Variants in GABRB2 observed in about 807,000 individuals in gnomAD.
The protein encoded by GABRB2 is gamma-aminobutyric acid receptor subunit beta-2.
A neutral mutation model predicts 54.7 loss-of-function variants in GABRB2; 16 were observed. That is an observed-to-expected ratio of 0.29 (90% confidence interval 0.20 to 0.44). The LOEUF is 0.44. Among genes scored for constraint, GABRB2 ranks in the 20% least tolerant of loss-of-function variants. The pLI is 1.00. For missense variants in GABRB2, 355 were observed against 644.0 expected (o/e 0.55, Z 4.86); for synonymous variants, 244 against 233.8 (o/e 1.04, Z -0.40).
At chr5:161,517,139 A>G (rs1240125167) in intron 3 of GABRB2, among the ~76,000 whole-genome samples, 1 of 152,132 alleles carries the variant, frequency 6.6e-6, no homozygotes, top group Non-Finnish European at 1.5e-5. Context: ...TATATAGAAT[A>G]TTCATTAGGT....
intron 5 of GABRB2, among the ~76,000 whole-genome samples, chr5:161,387,409 C>A (rs1055456441): frequency 7.2e-5 from 11 of 152,150 alleles, no homozygotes; most frequent in African/African-American, 2.7e-4. Flanking sequence ...CTCTAGTCTT[C>A]TCTGCTGAGA....
chr5:161,382,858 G>A (rs940263733), intron 5 of GABRB2, among the ~76,000 whole-genome samples: 1 of 152,036 alleles, frequency 6.6e-6, no homozygotes, highest in Admixed American at 6.6e-5. Flanking sequence ...GAGCAACTCC[G>A]TGGCTACTCA....
chr5:161,433,319 G>C (rs528910556), intron 4 of GABRB2, among the ~76,000 whole-genome samples: 30 of 152,028 alleles, frequency 2.0e-4, no homozygotes, highest in Admixed American at 5.9e-4. Flanking sequence ...GAGAATTATG[G>C]CTAGGTGTGA....
At chr5:161,422,574 G>A (rs1362828044) in intron 4 of GABRB2, among the ~76,000 whole-genome samples, 1 of 152,012 alleles carries the variant, frequency 6.6e-6, no homozygotes, top group Admixed American at 6.6e-5. Flanking sequence ...ACTAAAATAG[G>A]CAGTGCAAAT....
At chr5:161,371,174 T>C (rs1291607852) in intron 5 of GABRB2, among the ~76,000 whole-genome samples, 1 of 152,154 alleles carries the variant, frequency 6.6e-6, no homozygotes, top group Non-Finnish European at 1.5e-5. Context: ...AAGGCTGTTA[T>C]TACAAGACAA....
chr5:161,447,386 A>G (rs1757666039), intron 4 of GABRB2, among the ~76,000 whole-genome samples: 1 of 152,156 alleles, frequency 6.6e-6, no homozygotes, highest in Admixed American at 6.6e-5. Context: ...GGTCTTTTCA[A>G]TAGTTTCTCT....
chr5:161,484,751 T>C (rs1271972370), intron 3 of GABRB2, among the ~76,000 whole-genome samples: 1 of 151,946 alleles, frequency 6.6e-6, no homozygotes, highest in Non-Finnish European at 1.5e-5. Context: ...CCCCATCATG[T>C]CTCACCTGGA....
chr5:161,531,303 C>T (rs1760454350), intron 3 of GABRB2, among the ~76,000 whole-genome samples: 1 of 152,108 alleles, frequency 6.6e-6, no homozygotes, highest in Admixed American at 6.6e-5. Flanking sequence ...GAAAAATCTA[C>T]AGTTGATGAA....
rs537745936 is a variant in GABRB2, at chr5:161,484,933, G to C, written c.238-25089C>G. Among the ~76,000 whole-genome samples the C allele has an allele frequency of 9.6e-4, 146 of 152,076 alleles. 1 individual carries two copies. The highest frequency in any genetic ancestry group is 3.3e-3 in the African/African-American group (139 of 41,544). Reference sequence around the variant, plus strand: ...ATAGGGTTCAAACTTCTTAGTATGGGTTATGAGGACCTGCCCAGGCTCACC... The same window carrying C: ...ATAGGGTTCAAACTTCTTAGTATGGCTTATGAGGACCTGCCCAGGCTCACC... On this transcript the variant is annotated intron_variant, in intron 3 of 9. Coordinates refer to ENST00000393959, the MANE Select transcript of GABRB2 (RefSeq NM_001371727.1).
At chr5:161,457,210 A>C (rs1281481662) in intron 4 of GABRB2, among the ~76,000 whole-genome samples, 5 of 152,188 alleles carry the variant, frequency 3.3e-5, no homozygotes, top group Non-Finnish European at 7.4e-5. Context: ...GGAAGTGTTA[A>C]TTCTATGTAT....
intron 9 of GABRB2, among the ~76,000 whole-genome samples, chr5:161,323,926 A>C (rs992102029): frequency 6.6e-6 from 1 of 152,186 alleles, no homozygotes; most frequent in Non-Finnish European, 1.5e-5. Context: ...ATAACTTTGA[A>C]CCTAGCAAAT....
At position 161,376,467 on chromosome 5, in the gene GABRB2, GA is replaced by G. The variant is rs1011853053; in HGVS notation, c.541+34507del. On this transcript the variant is annotated intron_variant, in intron 5 of 9. Coordinates refer to ENST00000393959, the MANE Select transcript of GABRB2 (RefSeq NM_001371727.1). ...ATGAAGCCCACATGTGAAAAGACGA[GA>G]AAAAAATGCCTTTTTCCTAAGTTGA... 6.6e-5 allele frequency among the ~76,000 whole-genome samples: 10 copies of G among 151,852 alleles called. No individual in the cohort carries two copies. In the East Asian group the frequency reaches 1.4e-3, roughly 21 times the overall value.
intron 3 of GABRB2, among the ~76,000 whole-genome samples, chr5:161,513,417 G>GGT (rs2113410109): frequency 6.6e-6 from 1 of 151,754 alleles, no homozygotes; most frequent in African/African-American, 2.4e-5. Flanking sequence ...AAGAAAATGT[G>GGT]GTATATATAT....
chr5:161,545,312 C>G lies in GABRB2; in HGVS notation c.170-18G>C, dbSNP rs941868935. 1 of 1,583,050 alleles carries G rather than the reference C, an allele frequency of 6.3e-7. No individual in the cohort carries two copies. The highest frequency in any genetic ancestry group is 2.3e-5 in the East Asian group (1 of 43,218). On this transcript the variant is annotated intron_variant, in intron 2 of 9. Coordinates refer to ENST00000393959, the MANE Select transcript of GABRB2 (RefSeq NM_001371727.1). ...GGGGGGACCTGCAAAGCAAGACGGC[C>G]AGCCACGTGATTTCTTTGAACTTCA... is the stretch of plus-strand genomic sequence containing the variant.
chr5:161,355,202 C>T (rs1427450652), intron 5 of GABRB2, among the ~76,000 whole-genome samples: 3 of 151,286 alleles, frequency 2.0e-5, no homozygotes, highest in African/African-American at 7.2e-5. Context: ...CTAATTAATT[C>T]CATTATCTGT....
At chr5:161,452,071 T>C (rs768061673) in intron 4 of GABRB2, among the ~76,000 whole-genome samples, 8 of 152,190 alleles carry the variant, frequency 5.3e-5, no homozygotes, top group Non-Finnish European at 1.2e-4. Context: ...ATTTAGATTC[T>C]AAGTTTTAAT....
At chr5:161,356,641 GAAC>G (rs1329899025) in intron 5 of GABRB2, among the ~76,000 whole-genome samples, 4 of 152,160 alleles carry the variant, frequency 2.6e-5, no homozygotes, top group Non-Finnish European at 5.9e-5. Flanking sequence ...GCAACAGAGA[GAAC>G]ATAGCTGCCT....
chr5:161,290,854 G>A lies in GABRB2; in HGVS notation c.*3227C>T, dbSNP rs1220239993. 1 of 152,488 alleles carries A rather than the reference G, an allele frequency of 6.6e-6. No homozygotes were observed. The highest frequency in any genetic ancestry group is 2.4e-5 in the African/African-American group (1 of 41,432). 9.4% of individuals were successfully genotyped at this position (152,488 alleles called of 1,614,324 possible). On this transcript the variant is annotated 3_prime_UTR_variant, in exon 10 of 10. Coordinates refer to ENST00000393959, the MANE Select transcript of GABRB2 (RefSeq NM_001371727.1). ...ACGCATTCCACTGCTCTTTCTTTAT[G>A]TGTTGTGCTTTTGTAAGCTGACAGA...
rs1384151320 is a variant in GABRB2 at position 161,293,882 on chromosome 5, A to T, written c.*199T>A. 2 of 557,858 alleles carry T rather than the reference A, an allele frequency of 3.6e-6. No homozygotes were observed. The highest frequency in any genetic ancestry group is 6.4e-6 in the Non-Finnish European group (2 of 314,746). 34.6% of individuals were successfully genotyped at this position (557,858 alleles called of 1,614,324 possible). A position where few individuals can be genotyped will look rare whatever the true frequency, so the allele number is the denominator to read the frequency against. On this transcript the variant is annotated 3_prime_UTR_variant, in exon 10 of 10. Coordinates refer to ENST00000393959, the MANE Select transcript of GABRB2 (RefSeq NM_001371727.1). ...AAAAATCACTTGCGTTTTAACTGGA[A>T]AACCACAAGGACCTTAGTGTATTCA...
Sources: allele counts gnomAD v4.1 joint callset (sites outside exome capture counted in the v4.1 genomes callset), GRCh38; gene constraint gnomAD v4.1.1; transcripts MANE v1.5; gene names NCBI Gene and HGNC (gene_info 2026-07-23, HGNC 2026-07-21).